CKAP5: variants seen among roughly 807,000 people sequenced by gnomAD.
CKAP5 encodes cytoskeleton associated protein 5.
Under a neutral mutation model 232.8 loss-of-function variants are expected in CKAP5, and 27 were observed. The ratio of observed to expected loss-of-function variants is 0.12; its 90% CI spans 0.09 to 0.16. The LOEUF (loss-of-function observed/expected upper bound fraction) is 0.16. Ranked by LOEUF, CKAP5 falls within the 10% of genes least tolerant of loss-of-function variation. CKAP5 has a pLI of 1.00. For missense variants in CKAP5, 1,838 were observed against 2,424.7 expected (o/e 0.76, Z 5.08); for synonymous variants, 785 against 841.1 (o/e 0.93, Z 1.16).
At chr11:46,798,835 T>C (rs1023549223) in intron 9 of CKAP5, among the ~76,000 whole-genome samples, 1 of 152,238 alleles carries the variant, frequency 6.6e-6, no homozygotes, top group Admixed American at 6.5e-5. Flanking sequence ...TTTTATAGTA[T>C]GCAAGTTTTA....
intron 16 of CKAP5, among the ~76,000 whole-genome samples, chr11:46,788,282 A>T (rs2065415500): frequency 2.0e-5 from 3 of 152,244 alleles, no homozygotes. Context: ...GTTCATTAAA[A>T]ATCATTACCA....
intron 1 of CKAP5, among the ~76,000 whole-genome samples, 153 bp from the exon 2 acceptor site, chr11:46,821,421 C>CTTTTTTTTTTTT: frequency 9.5e-6 from 1 of 105,200 alleles, no homozygotes; most frequent in Non-Finnish European, 1.8e-5. Flanking sequence ...ATTAACAGGA[C>CTTTTTTTTTTTT]TTTTTTTTTT....
chr11:46,844,435 C>CA (rs994419304), intron 1 of CKAP5, among the ~76,000 whole-genome samples: 1 of 151,910 alleles, frequency 6.6e-6, no homozygotes, highest in African/African-American at 2.4e-5. Flanking sequence ...AACAAACAAA[C>CA]AAAAAACACC....
At chr11:46,831,861 C>CTTTT (rs71042624) in intron 1 of CKAP5, among the ~76,000 whole-genome samples, 5 of 119,056 alleles carry the variant, frequency 4.2e-5, no homozygotes, top group Non-Finnish European at 3.3e-5. Context: ...TAAACTTATC[C>CTTTT]TTTTTTTTTT....
chr11:46,772,717 T>A (rs1164606348), intron 24 of CKAP5, among the ~76,000 whole-genome samples: 2 of 151,952 alleles, frequency 1.3e-5, no homozygotes, highest in Non-Finnish European at 2.9e-5. Context: ...AGTAAGCTAA[T>A]TGTAAAGTGA....
In CKAP5 at chr11:46,778,546, T is replaced by C. The variant is rs1202181304; in HGVS notation, c.2487A>G (p.Thr829=). 6.2e-7 allele frequency: 1 copy of C among 1,614,132 alleles called. No homozygotes were observed. The highest frequency in any genetic ancestry group is 1.7e-5 in the Admixed American group (1 of 60,018). ...CATCTTCTCCTTCATCTGTACCACT[T>C]GTGCTATGCTTGGAAATTCCTCTGG... ...APTRGISKHS[T]SGTDEGEDGD... is the part of the protein sequence containing the mutation. The change falls in exon 21 of 44, where the codon ACA becomes ACG. Residue 829 remains threonine, a synonymous_variant. Coordinates refer to ENST00000529230, the MANE Select transcript of CKAP5 (RefSeq NM_001008938.4).
chr11:46,797,873 A>C lies in CKAP5; in HGVS notation c.1270T>G (p.Phe424Val). The change falls in exon 11 of 44, where the codon TTC (phenylalanine) becomes GTC (valine). Residue 424 changes from phenylalanine (F) to valine (V), a missense_variant. By Grantham distance (50) the Phe-to-Val change is conservative. Around this residue, in one of 6 missense-constraint regions of CKAP5, gnomAD observed 767 missense variants for 954.6 expected, o/e 0.80. Coordinates refer to ENST00000529230, the MANE Select transcript of CKAP5 (RefSeq NM_001008938.4). Reference sequence around the variant, plus strand: ...AGGGTAGAAGCAGTGCAGTGGCGGAAACTTCTTGCAATAAAAAGAGATGTC... The same window carrying C: ...AGGGTAGAAGCAGTGCAGTGGCGGACACTTCTTGCAATAAAAAGAGATGTC... Reference protein sequence around the residue: ...QQTSLFIARSFRHCTASTLPK... With the variant: ...QQTSLFIARSVRHCTASTLPK... The C allele has an allele frequency of 6.2e-7, 1 of 1,614,086 alleles. No individual in the cohort carries two copies. The highest frequency in any genetic ancestry group is 8.5e-7 in the Non-Finnish European group (1 of 1,179,990).
At chr11:46,818,936 C>CTAGT (rs1249964992) in intron 2 of CKAP5, among the ~76,000 whole-genome samples, 2 of 152,096 alleles carry the variant, frequency 1.3e-5, no homozygotes, top group African/African-American at 4.8e-5. Flanking sequence ...TTAATTTCAG[C>CTAGT]TAGTAGATTC....
At chr11:46,789,019 G>A (rs2040318588) in intron 15 of CKAP5, among the ~76,000 whole-genome samples, 1 of 152,316 alleles carries the variant, frequency 6.6e-6, no homozygotes, top group Admixed American at 6.5e-5. Context: ...ATCACTGAAC[G>A]TTTATCTCAC....
intron 1 of CKAP5, among the ~76,000 whole-genome samples, chr11:46,835,615 A>G (rs1437266252): frequency 6.6e-6 from 1 of 152,268 alleles, no homozygotes; most frequent in African/African-American, 2.4e-5. Context: ...CAGAATAAAT[A>G]TACACAAGCC....
At chr11:46,803,533 G>A (rs1939085230) in intron 8 of CKAP5, among the ~76,000 whole-genome samples, 1 of 152,052 alleles carries the variant, frequency 6.6e-6, no homozygotes, top group Admixed American at 6.6e-5. Context: ...CTCCCAAAGT[G>A]TTGGGATTAC....
intron 20 of CKAP5, 72 bp from the exon 21 acceptor site, chr11:46,778,671 G>T: frequency 7.7e-7 from 1 of 1,302,384 alleles, no homozygotes. Context: ...TAGAGAGGGT[G>T]CCTGTGTCAA....
At chr11:46,809,720 C>G in intron 6 of CKAP5, 22 bp downstream of exon 6, 5 of 1,613,242 alleles carry the variant, frequency 3.1e-6, no homozygotes, top group Non-Finnish European at 4.2e-6. Context: ...TTTGCAGAAA[C>G]CGGTGTTTAA....
chr11:46,784,268 T>G (rs1342654826), intron 17 of CKAP5, among the ~76,000 whole-genome samples: 1 of 151,942 alleles, frequency 6.6e-6, no homozygotes, highest in South Asian at 2.1e-4. Context: ...TGCGGGAGGC[T>G]GAAGCAGGAG....
At chr11:46,807,927 T>C (rs1356767087) in intron 8 of CKAP5, 104 bp downstream of exon 8, 1 of 727,268 alleles carries the variant, frequency 1.4e-6, no homozygotes, top group Non-Finnish European at 2.3e-6. Context: ...CCATCAGTAA[T>C]GTTCCTTAAG....
chr11:46,779,941 C>T (rs2065325366), intron 20 of CKAP5, among the ~76,000 whole-genome samples: 1 of 152,098 alleles, frequency 6.6e-6, no homozygotes, highest in East Asian at 1.9e-4. Flanking sequence ...TGTTTCTGAT[C>T]TGGGCCAGTT....
Position 46,778,220 on chromosome 11 carries a change from A to G in CKAP5, c.2667T>C (p.Asn889=). ...EGLDEVAGII[N]DAKFIQPNIG... is the part of the protein sequence containing the mutation. ...TATTCGGTTGGATAAATTTTGCGTC[A>G]TTAATAATACCTGCCACTTCATCTA... is the stretch of plus-strand genomic sequence containing the variant. Residue 889 remains asparagine (N), a synonymous_variant, in exon 22 of 44, where the codon AAT becomes AAC. Coordinates refer to ENST00000529230, the MANE Select transcript of CKAP5 (RefSeq NM_001008938.4). 1.2e-6 allele frequency: 2 copies of G among 1,614,076 alleles called. No individual in the cohort carries two copies. The highest frequency in any genetic ancestry group is 8.5e-7 in the Non-Finnish European group (1 of 1,179,950).
chr11:46,798,018 A>C, intron 10 of CKAP5, 49 bp from the exon 11 acceptor site: 1 of 1,606,586 alleles, frequency 6.2e-7, no homozygotes, highest in Non-Finnish European at 8.5e-7. Context: ...TGTAAAGAAC[A>C]ATCAAAATAT....
At position 46,826,826 on chromosome 11, in the gene CKAP5, A is replaced by AGGC. The variant is rs955265117; in HGVS notation, c.-37-5561_-37-5559dup. 34 of 155,510 alleles carry AGGC rather than the reference A, an allele frequency of 2.2e-4. 1 individual carries two copies. The highest frequency in any genetic ancestry group is 5.7e-4 in the East Asian group (3 of 5,288). 9.6% of individuals were successfully genotyped at this position (155,510 alleles called of 1,614,324 possible). A position where few individuals can be genotyped will look rare whatever the true frequency, so the allele number is the denominator to read the frequency against. On this transcript the variant is annotated intron_variant, in intron 1 of 43. Transcript: ENST00000529230. ...AGCAGGATCAGCAGGAATACCCGGC[A>AGGC]GGCGGCGGCGGCGGCGGCAGCAGCA...
Sources: gnomAD v4.1 joint callset for allele counts (sites outside exome capture counted in the v4.1 genomes callset) on GRCh38, gnomAD v4.1.1 for gene constraint, gnomAD v4.1.1 regional missense constraint, MANE v1.5 for transcripts, NCBI Gene and HGNC (gene_info 2026-07-23, HGNC 2026-07-21) for gene names.